PRSS23: variants seen among roughly 807,000 people sequenced by gnomAD.
PRSS23 encodes the protein protease, serine 23.
In PRSS23, 25 loss-of-function variants were observed where a neutral mutation model predicts 34.7. The ratio of observed to expected loss-of-function variants is 0.72; its 90% CI spans 0.53 to 1.01. PRSS23 has a LOEUF of 1.01. Among genes scored for constraint, PRSS23 ranks in the 50% least tolerant of loss-of-function variants. PRSS23 has a pLI of 0.00. For missense variants in PRSS23, 445 were observed against 475.6 expected, an observed-to-expected ratio of 0.94 and a Z score of 0.60; for synonymous variants, 176 against 186.6, an observed-to-expected ratio of 0.94 and a Z score of 0.46.
intron 2 of PRSS23, among the ~76,000 whole-genome samples, chr11:86,889,801 A>G (rs1186444071): frequency 1.3e-5 from 2 of 152,210 alleles, no homozygotes; most frequent in Non-Finnish European, 2.9e-5. Context: ...AATCCTGAAT[A>G]TGACCATTCA....
chr11:86,870,610 C>A (rs539631836), intron 2 of PRSS23, among the ~76,000 whole-genome samples: 1 of 152,330 alleles, frequency 6.6e-6, no homozygotes, highest in South Asian at 2.1e-4. Context: ...TTTTCATACT[C>A]TTCAGGGATT....
intron 2 of PRSS23, among the ~76,000 whole-genome samples, chr11:86,899,173 C>T (rs532703235): frequency 6.6e-6 from 1 of 152,234 alleles, no homozygotes; most frequent in Admixed American, 6.5e-5. Context: ...ACACCCCACT[C>T]ATGGTGCACT....
chr11:86,866,888 G>C (rs1377071157), intron 2 of PRSS23, among the ~76,000 whole-genome samples: 1 of 152,202 alleles, frequency 6.6e-6, no homozygotes, highest in Non-Finnish European at 1.5e-5. Context: ...TCTGCCATGA[G>C]TGGAAGCAGC....
At chr11:86,831,444 C>G (rs1194246932) in intron 2 of PRSS23, among the ~76,000 whole-genome samples, 2 of 151,496 alleles carry the variant, frequency 1.3e-5, no homozygotes, top group Non-Finnish European at 2.9e-5. Flanking sequence ...CAGGTGTACC[C>G]CCTGTGAAAT....
chr11:86,937,802 A>C (rs537840096), intron 2 of PRSS23: 5 of 152,342 alleles, frequency 3.3e-5, no homozygotes, highest in African/African-American at 1.2e-4. Context: ...CTTTCTTAAT[A>C]AACTTGCTTT....
chr11:86,940,238 G>C (rs1378835900), intron 2 of PRSS23, among the ~76,000 whole-genome samples: 2 of 152,104 alleles, frequency 1.3e-5, no homozygotes, highest in Non-Finnish European at 2.9e-5. Context: ...AGGGCTACTT[G>C]GTCAGTGTTG....
intron 2 of PRSS23, among the ~76,000 whole-genome samples, chr11:86,883,686 TA>T (rs1000786617): frequency 6.6e-6 from 1 of 152,122 alleles, no homozygotes; most frequent in Non-Finnish European, 1.5e-5. Flanking sequence ...GAAAAGGACT[TA>T]ATCTATTTTT....
chr11:86,931,324 TGAA>T (rs1555083199), intron 2 of PRSS23, among the ~76,000 whole-genome samples: 1 of 152,114 alleles, frequency 6.6e-6, no homozygotes, highest in Non-Finnish European at 1.5e-5. Context: ...GCAAAAATGA[TGAA>T]GAAAAAAGCC....
intron 2 of PRSS23, among the ~76,000 whole-genome samples, chr11:86,840,384 T>C (rs1948438643): frequency 6.6e-6 from 1 of 152,148 alleles, no homozygotes; most frequent in Admixed American, 6.5e-5. Flanking sequence ...CACTACATAA[T>C]GGTAAAGGGA....
chr11:86,839,639 A>G (rs777089357), intron 2 of PRSS23, among the ~76,000 whole-genome samples: 3 of 152,010 alleles, frequency 2.0e-5, no homozygotes, highest in African/African-American at 4.8e-5. Flanking sequence ...CAACCCCAAG[A>G]CACATAATCG....
At position 86,879,182 on chromosome 11, in the gene PRSS23, G is replaced by A. The variant is rs548777458; in HGVS notation, c.206+55589G>A. On this transcript the variant is annotated intron_variant, in intron 2 of 2. Coordinates refer to the PRSS23 transcript ENST00000533902. The stretch of plus-strand genomic sequence containing the variant: ...CCATCCCATCTAGGAAGTGAGGAGC[G>A]TCTCTGCCCGGCGGCCCATCATCTG... 6.4e-3 allele frequency among the ~76,000 whole-genome samples: 945 copies of A among 147,640 alleles called. 41 individuals carry two copies. Among genetic ancestry groups the A allele is most frequent in the Admixed American group, 0.057 (830 of 14,544 alleles).
At chr11:86,938,860 G>A (rs949851975) in intron 2 of PRSS23, among the ~76,000 whole-genome samples, 19 of 152,226 alleles carry the variant, frequency 1.2e-4, no homozygotes, top group Admixed American at 1.0e-3. Flanking sequence ...AAGCAGAAAC[G>A]ACAGGCAGTC....
intron 2 of PRSS23, among the ~76,000 whole-genome samples, chr11:86,917,573 T>C (rs1213709450): frequency 1.3e-5 from 2 of 152,240 alleles, no homozygotes; most frequent in Non-Finnish European, 2.9e-5. Context: ...CCTAACTCTT[T>C]TCTTGCAGCA....
At chr11:86,867,322 T>C (rs1444683698) in intron 2 of PRSS23, among the ~76,000 whole-genome samples, 2 of 152,206 alleles carry the variant, frequency 1.3e-5, no homozygotes, top group African/African-American at 4.8e-5. Flanking sequence ...GTTCCCACAA[T>C]GCCTTGCACC....
intron 2 of PRSS23, chr11:86,951,146 A>C (rs772349259): frequency 1.2e-6 from 2 of 1,613,994 alleles, no homozygotes; most frequent in Non-Finnish European, 1.7e-6. Flanking sequence ...CTAGCCTTAT[A>C]CCACAGTCTC....
intron 1 of PRSS23, among the ~76,000 whole-genome samples, chr11:86,801,570 G>A: frequency 6.6e-6 from 1 of 152,220 alleles, no homozygotes; most frequent in East Asian, 1.9e-4. Flanking sequence ...GAACAGGTAG[G>A]CCAGTGCCAG....
At chr11:86,823,395 G>C in exon 2 of PRSS23, 1 of 702,306 alleles carries the variant, frequency 1.4e-6, no homozygotes, top group Non-Finnish European at 2.6e-6. Context: ...CTAATGAGTA[G>C]AATGAGACCT....
chr11:86,827,901 G>A (rs954212687), intron 2 of PRSS23, among the ~76,000 whole-genome samples: 3 of 152,168 alleles, frequency 2.0e-5, no homozygotes, highest in Admixed American at 2.0e-4. Context: ...GCTGAGGAGA[G>A]CTTTACTTCC....
chr11:86,824,380 A>AAAATAAAATAAAATAAATAAAATT (rs1948281815), intron 2 of PRSS23, among the ~76,000 whole-genome samples: 1 of 150,342 alleles, frequency 6.7e-6, no homozygotes, highest in Non-Finnish European at 1.5e-5. Context: ...TAAATAAAAT[A>AAAATAAAATAAAATAAATAAAATT]AAAAAACAAA....
Sources: allele counts gnomAD v4.1 joint callset (sites outside exome capture counted in the v4.1 genomes callset), GRCh38; gene constraint gnomAD v4.1.1; transcripts MANE v1.5; gene names NCBI Gene and HGNC (gene_info 2026-07-23, HGNC 2026-07-21).